RBPJ: variants seen among roughly 807,000 people sequenced by gnomAD.
RBPJ encodes the protein recombining binding protein suppressor of hairless.
A neutral mutation model predicts 67.8 loss-of-function variants in RBPJ; 9 were observed. The ratio of observed to expected loss-of-function variants is 0.13; its 90% CI spans 0.08 to 0.23. The LOEUF is 0.23. Among genes scored for constraint, RBPJ ranks in the 10% least tolerant of loss-of-function variants. The pLI, the probability that RBPJ is intolerant of heterozygous loss-of-function variation, is 1.00. For synonymous variants in RBPJ, 198 were observed against 203.3 expected, an observed-to-expected ratio of 0.97 and a Z score of 0.22; for missense variants, 305 against 595.6, an observed-to-expected ratio of 0.51 and a Z score of 5.08.
chr4:26,269,107 A>G (rs1720796121), intron 1 of RBPJ, among the ~76,000 whole-genome samples: 1 of 152,096 alleles, frequency 6.6e-6, no homozygotes, highest in South Asian at 2.1e-4. Flanking sequence ...CTAGCTGGAA[A>G]ACAGTGCTGT....
At chr4:26,281,853 C>G (rs189632910) in intron 1 of RBPJ, among the ~76,000 whole-genome samples, 1 of 152,166 alleles carries the variant, frequency 6.6e-6, no homozygotes. Context: ...AGAAGAGTTA[C>G]GCTAATTTAA....
chr4:26,200,211 A>G (rs971597962), intron 1 of RBPJ, among the ~76,000 whole-genome samples: 6 of 152,368 alleles, frequency 3.9e-5, no homozygotes, highest in African/African-American at 1.2e-4. Flanking sequence ...TTACAGTCAC[A>G]GTTATGACAC....
intron 1 of RBPJ, among the ~76,000 whole-genome samples, chr4:26,294,251 C>A (rs1721782928): frequency 6.6e-6 from 1 of 152,044 alleles, no homozygotes; most frequent in Non-Finnish European, 1.5e-5. Context: ...GCACCTGCCA[C>A]CATGCCTGGC....
intron 1 of RBPJ, among the ~76,000 whole-genome samples, chr4:26,289,429 A>C (rs1721594676): frequency 6.7e-6 from 1 of 149,394 alleles, no homozygotes; most frequent in Non-Finnish European, 1.5e-5. Context: ...AGGAGTAAAT[A>C]ATTCTAGGCA....
chr4:26,159,668 G>A (rs1309000341), upstream of RBPJ, among the ~76,000 whole-genome samples: 1 of 152,178 alleles, frequency 6.6e-6, no homozygotes, highest in Non-Finnish European at 1.5e-5. Context: ...TTTCCAAGAG[G>A]AAGATATAGT....
At chr4:26,373,671 G>A (rs1246776006) in intron 1 of RBPJ, among the ~76,000 whole-genome samples, 1 of 152,140 alleles carries the variant, frequency 6.6e-6, no homozygotes, top group Non-Finnish European at 1.5e-5. Flanking sequence ...AGCGTTCTTT[G>A]CAGAATTCTG....
At chr4:26,147,526 G>A in the RBPJ span, among the ~76,000 whole-genome samples, 1 of 152,342 alleles carries the variant, frequency 6.6e-6, no homozygotes, top group East Asian at 1.9e-4. Flanking sequence ...TTACATTCTA[G>A]TTGCAAAGGA....
intron 1 of RBPJ, among the ~76,000 whole-genome samples, chr4:26,329,964 A>AC (rs1462997503): frequency 6.6e-6 from 1 of 151,954 alleles, no homozygotes; most frequent in Non-Finnish European, 1.5e-5. Flanking sequence ...GGTTCTCCTT[A>AC]CCCCTTTTCT....
At chr4:26,382,385 A>G (rs1730415135) in intron 1 of RBPJ, among the ~76,000 whole-genome samples, 1 of 152,238 alleles carries the variant, frequency 6.6e-6, no homozygotes, top group African/African-American at 2.4e-5. Context: ...ATTTTGTTTA[A>G]TCAAATTAGT....
intron 1 of RBPJ, among the ~76,000 whole-genome samples, chr4:26,196,722 A>G (rs1368825535): frequency 2.0e-5 from 3 of 152,154 alleles, no homozygotes; most frequent in Non-Finnish European, 2.9e-5. Context: ...ACAGCCACAT[A>G]CCCACTGTTG....
At chr4:26,326,314 A>G (rs1486732294) in intron 1 of RBPJ, among the ~76,000 whole-genome samples, 7 of 152,150 alleles carry the variant, frequency 4.6e-5, no homozygotes, top group African/African-American at 1.7e-4. Context: ...TAAGGCTCTT[A>G]GGCAAAAGTT....
chr4:26,427,849 A>G (rs976370186), intron 7 of RBPJ, among the ~76,000 whole-genome samples: 10 of 152,228 alleles, frequency 6.6e-5, no homozygotes, highest in African/African-American at 2.4e-4. Flanking sequence ...GAAGTGATCA[A>G]TAGAAAAGGA....
intron 1 of RBPJ, among the ~76,000 whole-genome samples, chr4:26,279,400 C>G (rs1048438527): frequency 1.3e-5 from 2 of 152,166 alleles, no homozygotes; most frequent in Non-Finnish European, 2.9e-5. Context: ...CCTGTCTCAG[C>G]CCCCCGAGTA....
chr4:26,294,462 G>A (rs2109291962), intron 1 of RBPJ, among the ~76,000 whole-genome samples: 1 of 152,318 alleles, frequency 6.6e-6, no homozygotes, highest in East Asian at 1.9e-4. Context: ...CAGATGTCGT[G>A]TAGAGAGTGG....
intron 1 of RBPJ, among the ~76,000 whole-genome samples, chr4:26,186,601 A>T (rs1157070844): frequency 6.6e-6 from 1 of 152,154 alleles, no homozygotes; most frequent in Non-Finnish European, 1.5e-5. Flanking sequence ...CCAAGCAGTG[A>T]GGTGCTGAGA....
At chr4:26,316,675 T>C (rs200794829), upstream of RBPJ, among the ~76,000 whole-genome samples, 54 of 99,900 alleles carry the variant, frequency 5.4e-4, no homozygotes, top group Middle Eastern at 4.8e-3. Flanking sequence ...TATATACACA[T>C]ATATATATAT....
chr4:26,305,771 C>CTTTTTTTTTTTTTTTTTTTTTTT (rs71276617), intron 1 of RBPJ, among the ~76,000 whole-genome samples: 3 of 67,770 alleles, frequency 4.4e-5, no homozygotes, highest in South Asian at 5.5e-4. Context: ...ATTTTCTTTT[C>CTTTTTTTTTTTTTTTTTTTTTTT]TTTTTTTTTT....
At chr4:26,422,489 G>T (rs1215460294) in intron 5 of RBPJ, among the ~76,000 whole-genome samples, 2 of 152,162 alleles carry the variant, frequency 1.3e-5, no homozygotes, top group Non-Finnish European at 2.9e-5. Context: ...AGGATTAGGT[G>T]CTTGTTTACT....
chr4:26,409,762 T>A (rs1031071811), intron 3 of RBPJ, among the ~76,000 whole-genome samples: 1 of 152,190 alleles, frequency 6.6e-6, no homozygotes, highest in Non-Finnish European at 1.5e-5. Flanking sequence ...CCTCCCAAAG[T>A]GCTGGGATTA....
Sources: gnomAD v4.1 joint callset for allele counts (sites outside exome capture counted in the v4.1 genomes callset) on GRCh38, gnomAD v4.1.1 for gene constraint, MANE v1.5 for transcripts, NCBI Gene and HGNC (gene_info 2026-07-23, HGNC 2026-07-21) for gene names.